The following USP4 variants were observed in gnomAD, a reference collection of about 807,000 sequenced individuals.
USP4 encodes ubiquitin carboxyl-terminal hydrolase 4.
USP4 carries 72 observed loss-of-function variants against 118.2 expected under a neutral mutation model. The ratio of observed to expected loss-of-function variants is 0.61; its 90% CI spans 0.50 to 0.74. The LOEUF (loss-of-function observed/expected upper bound fraction) is 0.74. Among genes scored for constraint, USP4 ranks in the 30% least tolerant of loss-of-function variants. USP4 has a pLI of 0.00. For missense variants in USP4, 1,037 were observed against 1,185.7 expected (o/e 0.87, Z 1.84); for synonymous variants, 415 against 440.4 (o/e 0.94, Z 0.72).
chr3:49,294,784 T>C (rs983380021), intron 13 of USP4, among the ~76,000 whole-genome samples, 186 bp from the exon 14 acceptor site: 3 of 152,158 alleles, frequency 2.0e-5, no homozygotes, highest in African/African-American at 7.2e-5. Flanking sequence ...AGAAGGACCA[T>C]TGTCAGCACA....
At chr3:49,288,122 G>A (rs190178837) in intron 15 of USP4, among the ~76,000 whole-genome samples, 14 of 152,282 alleles carry the variant, frequency 9.2e-5, no homozygotes, top group South Asian at 6.2e-4. Context: ...GTTCCTTTCC[G>A]AACTTGCTTA....
intron 15 of USP4, among the ~76,000 whole-genome samples, chr3:49,288,234 C>T (rs1156944915): frequency 6.6e-6 from 1 of 152,200 alleles, no homozygotes; most frequent in Admixed American, 6.5e-5. Context: ...CGGAGAAGGG[C>T]AGAACCCAAA....
chr3:49,298,514 C>A (rs1224706339), intron 12 of USP4, 38 bp downstream of exon 12: 1 of 1,601,260 alleles, frequency 6.2e-7, no homozygotes, highest in African/African-American at 1.3e-5. Flanking sequence ...TATGAAGTAT[C>A]CCAAATAGAC....
rs116761297 is a variant in USP4 at position 49,320,658 on chromosome 3, G to A, written c.695+4044C>T. Among the ~76,000 whole-genome samples, 1,055 of 152,190 alleles carry A rather than the reference G, an allele frequency of 6.9e-3. 8 individuals carry two copies. Among genetic ancestry groups the A allele is most frequent in the African/African-American group, 0.024 (1,006 of 41,534 alleles). On this transcript the variant is annotated intron_variant, in intron 6 of 21. Transcript: ENST00000265560. The stretch of plus-strand genomic sequence containing the variant: ...TGATCTGAGAGTTTGTCTTTAGTTT[G>A]GTAAATTTAACTCATCTACAGTGAT...
intron 6 of USP4, among the ~76,000 whole-genome samples, chr3:49,316,566 G>A (rs1339811091): frequency 5.9e-5 from 9 of 152,104 alleles, no homozygotes; most frequent in Non-Finnish European, 1.3e-4. Context: ...TGATCTGCCC[G>A]CCTCAGCCTC....
At chr3:49,282,760 T>C (rs1029387498) in intron 19 of USP4, among the ~76,000 whole-genome samples, 6 of 151,608 alleles carry the variant, frequency 4.0e-5, no homozygotes, top group African/African-American at 1.5e-4. Context: ...GAGGCTGGAG[T>C]GCAGTGGCAC....
chr3:49,309,090 A>C, intron 8 of USP4, among the ~76,000 whole-genome samples: 1 of 151,568 alleles, frequency 6.6e-6, no homozygotes, highest in South Asian at 2.1e-4. Flanking sequence ...GGTAGAAAAC[A>C]ACAGAAGCTC....
Position 49,284,457 on chromosome 3 carries a change from G to A in USP4, c.2390+9C>T. On this transcript the variant is annotated intron_variant, in intron 18 of 21. Coordinates refer to ENST00000265560, the MANE Select transcript of USP4 (RefSeq NM_003363.4). Reference sequence around the variant, plus strand: ...GGGGCCTCTGCCCAGACAGTGAGGAGCTGCGTACCAGGGGTCATGCTCCCC... The same window carrying A: ...GGGGCCTCTGCCCAGACAGTGAGGAACTGCGTACCAGGGGTCATGCTCCCC... 2 of 1,609,846 alleles carry A rather than the reference G, an allele frequency of 1.2e-6. No homozygotes were observed. Among genetic ancestry groups the A allele is most frequent in the Non-Finnish European group, 1.7e-6 (2 of 1,176,762 alleles).
chr3:49,282,472 T>A (rs1381941089), intron 19 of USP4, among the ~76,000 whole-genome samples: 21 of 151,832 alleles, frequency 1.4e-4, no homozygotes, highest in Admixed American at 1.4e-3. Flanking sequence ...AGAGATGGGG[T>A]TTCACCATGT....
intron 19 of USP4, among the ~76,000 whole-genome samples, chr3:49,283,322 T>A (rs1249312507): frequency 6.6e-6 from 1 of 151,926 alleles, no homozygotes; most frequent in East Asian, 1.9e-4. Flanking sequence ...CCTATTTTTT[T>A]AAATATATTT....
chr3:49,336,402 G>C (rs1386513835), intron 1 of USP4, among the ~76,000 whole-genome samples: 1 of 151,838 alleles, frequency 6.6e-6, no homozygotes, highest in Non-Finnish European at 1.5e-5. Context: ...TCGAACTCCT[G>C]ATCTCAGGTG....
At chr3:49,311,679 G>C (rs774308557) in intron 6 of USP4, 25 bp from the exon 7 acceptor site, 11 of 1,611,870 alleles carry the variant, frequency 6.8e-6, no homozygotes, top group Non-Finnish European at 9.3e-6. Flanking sequence ...CAGAAACAAT[G>C]CTACTGACTT....
At chr3:49,334,785 G>C (rs1442023302) in intron 2 of USP4, among the ~76,000 whole-genome samples, 3 of 152,110 alleles carry the variant, frequency 2.0e-5, no homozygotes, top group Non-Finnish European at 4.4e-5. Context: ...CCAAAGTGCT[G>C]AGATTACAGG....
intron 13 of USP4, among the ~76,000 whole-genome samples, chr3:49,297,088 AAAAACAAAAACC>A (rs777065388): frequency 1.3e-5 from 2 of 152,232 alleles, no homozygotes; most frequent in Non-Finnish European, 2.9e-5. Flanking sequence ...TTCCTCAGCC[AAAAACAAAAACC>A]AAAACAAAAT....
intron 2 of USP4, among the ~76,000 whole-genome samples, chr3:49,329,824 T>C (rs1334244849): frequency 6.6e-6 from 1 of 152,180 alleles, no homozygotes; most frequent in African/African-American, 2.4e-5. Context: ...ATAAAATGTA[T>C]TTCTTAAATA....
rs576124332 is a variant in USP4, at chr3:49,280,520, A to C, written c.2644+224T>G. Among the ~76,000 whole-genome samples, 12 of 150,106 alleles carry C rather than the reference A, an allele frequency of 8.0e-5. No individual in the cohort carries two copies. The Admixed American group carries it at 8.1e-4, about 10-fold the overall frequency. ...AGCTTGCAGTGAGTGAGATTGCGCC[A>C]CTGTGTTCTAGCCTGGGTGACATAA... On this transcript the variant is annotated intron_variant, in intron 20 of 21. Coordinates refer to ENST00000265560, the MANE Select transcript of USP4 (RefSeq NM_003363.4).
intron 21 of USP4, 143 bp from the exon 22 acceptor site, chr3:49,278,594 G>T: frequency 9.4e-7 from 1 of 1,060,620 alleles, no homozygotes; most frequent in Non-Finnish European, 1.4e-6. Flanking sequence ...GGCTGCCCCT[G>T]CCAGGCAGCA....
intron 6 of USP4, chr3:49,317,485 T>A: frequency 1.5e-6 from 1 of 665,484 alleles, no homozygotes; most frequent in Admixed American, 2.8e-5. Flanking sequence ...CCCCCTATTT[T>A]TTTTTTTGAG....
intron 13 of USP4, among the ~76,000 whole-genome samples, chr3:49,295,732 ACACCCC>A (rs1240089991): frequency 6.7e-6 from 1 of 150,274 alleles, no homozygotes; most frequent in African/African-American, 2.5e-5. Flanking sequence ...ACACACACAC[ACACCCC>A]CCCCTCCCCA....
Sources: allele counts gnomAD v4.1 joint callset (sites outside exome capture counted in the v4.1 genomes callset), GRCh38; gene constraint gnomAD v4.1.1; transcripts MANE v1.5; gene names NCBI Gene and HGNC (gene_info 2026-07-23, HGNC 2026-07-21).